Variants in RABGAP1 observed in about 807,000 individuals in gnomAD.
RABGAP1 encodes the protein RAB GTPase activating protein 1.
In RABGAP1, 23 loss-of-function variants were observed where a neutral mutation model predicts 137.6. The ratio of observed to expected loss-of-function variants is 0.17; its 90% CI spans 0.12 to 0.24. The LOEUF (loss-of-function observed/expected upper bound fraction) is 0.24. RABGAP1 is among the 10% of genes least tolerant of loss of function. The pLI is 1.00. For missense variants in RABGAP1, 906 were observed against 1,275.8 expected, an observed-to-expected ratio of 0.71 and a Z score of 4.42; for synonymous variants, 451 against 450.7, an observed-to-expected ratio of 1.00 and a Z score of -0.01.
rs993095223 is a variant in RABGAP1, at chr9:123,103,231, C to T, written c.*18C>T. On this transcript the variant is annotated 3_prime_UTR_variant, in exon 26 of 26. Transcript: ENST00000373647. ...CTTGCTGAGAGCAGCTGCCGCCTCC[C>T]GACACCTTCAGAAAACACGACACCT... The T allele has an allele frequency of 7.4e-6, 12 of 1,612,512 alleles. No homozygotes were observed. The highest frequency in any genetic ancestry group is 3.3e-5 in the Admixed American group (2 of 59,774).
At chr9:123,092,413 T>C (rs1034845266) in intron 21 of RABGAP1, among the ~76,000 whole-genome samples, 4 of 152,326 alleles carry the variant, frequency 2.6e-5, no homozygotes, top group African/African-American at 9.6e-5. Context: ...TGATCTCTCT[T>C]ACCCTTACCT....
At chr9:123,098,899 C>T (rs2035263200) in intron 23 of RABGAP1, 101 bp downstream of exon 23, 1 of 644,958 alleles carries the variant, frequency 1.6e-6, no homozygotes, top group African/African-American at 2.1e-5. Flanking sequence ...ATGCAAGCAC[C>T]CTGGTTTCAG....
chr9:122,998,884 G>T, intron 10 of RABGAP1, 118 bp downstream of exon 10: 4 of 568,064 alleles, frequency 7.0e-6, no homozygotes, highest in South Asian at 1.1e-4. Flanking sequence ...TATATTAAGA[G>T]GAAAAATTAT....
intron 10 of RABGAP1, among the ~76,000 whole-genome samples, chr9:123,002,369 T>TATATA (rs34043569): frequency 9.9e-6 from 1 of 100,828 alleles, no homozygotes; most frequent in South Asian, 2.8e-4. Context: ...TATATATATA[T>TATATA]TTTTTTTTTA....
chr9:123,020,264 T>C (rs923264090), intron 12 of RABGAP1, 45 bp from the exon 13 acceptor site: 22 of 1,385,332 alleles, frequency 1.6e-5, no homozygotes, highest in Non-Finnish European at 2.1e-5. Context: ...CTTTAGAGAA[T>C]CTTATCTTCC....
At chr9:123,029,545 T>G in intron 13 of RABGAP1, 1 of 774,818 alleles carries the variant, frequency 1.3e-6, no homozygotes, top group Non-Finnish European at 2.4e-6. Flanking sequence ...AGACCACAAC[T>G]GGAGTTATAA....
chr9:123,096,860 G>A (rs547670647), intron 21 of RABGAP1, among the ~76,000 whole-genome samples: 13 of 152,272 alleles, frequency 8.5e-5, no homozygotes, highest in East Asian at 3.9e-4. Flanking sequence ...GTGAGCCACC[G>A]CACCTGGCCC....
intron 13 of RABGAP1, among the ~76,000 whole-genome samples, chr9:123,053,952 T>C (rs1328608348): frequency 6.6e-6 from 1 of 152,196 alleles, no homozygotes; most frequent in African/African-American, 2.4e-5. Flanking sequence ...CCTGAGAAAT[T>C]ACCCAGTGAG....
chr9:123,073,742 G>GA, intron 16 of RABGAP1, 65 bp downstream of exon 16: 1 of 1,594,522 alleles, frequency 6.3e-7, no homozygotes, highest in African/African-American at 1.4e-5. Flanking sequence ...CCAAATTGAG[G>GA]AAATGGTGCC....
At chr9:122,953,098 G>A (rs551413066) in intron 1 of RABGAP1, among the ~76,000 whole-genome samples, 2 of 152,130 alleles carry the variant, frequency 1.3e-5, no homozygotes, top group South Asian at 2.1e-4. Context: ...TGTGTTTCCC[G>A]ACTAACAATC....
At chr9:122,962,017 A>G in intron 2 of RABGAP1, among the ~76,000 whole-genome samples, 1 of 152,210 alleles carries the variant, frequency 6.6e-6, no homozygotes, top group Non-Finnish European at 1.5e-5. Context: ...CTTTAAAGGT[A>G]TATATAAAAT....
At chr9:123,025,881 G>A (rs1044898200) in intron 13 of RABGAP1, among the ~76,000 whole-genome samples, 8 of 151,500 alleles carry the variant, frequency 5.3e-5, no homozygotes, top group African/African-American at 1.5e-4. Context: ...TCTTGGTTTC[G>A]TCTTTATATT....
intron 2 of RABGAP1, among the ~76,000 whole-genome samples, chr9:122,977,823 T>C (rs1835842363): frequency 6.6e-6 from 1 of 152,156 alleles, no homozygotes; most frequent in Non-Finnish European, 1.5e-5. Flanking sequence ...GGATTGTAGA[T>C]AGAGATTTGA....
At chr9:123,060,467 C>G (rs2033925260) in intron 13 of RABGAP1, among the ~76,000 whole-genome samples, 1 of 152,088 alleles carries the variant, frequency 6.6e-6, no homozygotes, top group African/African-American at 2.4e-5. Flanking sequence ...TGTAGATGGA[C>G]ATTTGAGGTT....
intron 1 of RABGAP1, among the ~76,000 whole-genome samples, chr9:122,942,696 A>C (rs1382896950): frequency 6.6e-6 from 1 of 150,626 alleles, no homozygotes; most frequent in Non-Finnish European, 1.5e-5. Flanking sequence ...AAACACAAAA[A>C]AACAAAATAG....
chr9:122,983,778 G>GT (rs1329399977), intron 2 of RABGAP1, among the ~76,000 whole-genome samples: 6 of 152,102 alleles, frequency 3.9e-5, no homozygotes, highest in Non-Finnish European at 8.8e-5. Context: ...GTCACTTGTG[G>GT]TTTTCCTTGG....
chr9:123,007,885 C>G (rs55664488), intron 10 of RABGAP1, among the ~76,000 whole-genome samples: 1 of 148,520 alleles, frequency 6.7e-6, no homozygotes, highest in African/African-American at 2.4e-5. Context: ...TATAATATAT[C>G]TAATTTAAAA....
intron 19 of RABGAP1, 176 bp from the exon 20 acceptor site, chr9:123,089,582 T>C (rs2034975939): frequency 1.8e-6 from 1 of 545,502 alleles, no homozygotes; most frequent in African/African-American, 1.9e-5. Flanking sequence ...CATTGAGAAT[T>C]TGGGGTCCTG....
chr9:122,967,746 ATT>A (rs944985963), intron 2 of RABGAP1, among the ~76,000 whole-genome samples: 1 of 146,896 alleles, frequency 6.8e-6, no homozygotes, highest in African/African-American at 2.5e-5. Flanking sequence ...CCTGAAAAAA[ATT>A]TTTTTTTTTT....
Sources: gnomAD v4.1 joint callset for allele counts (sites outside exome capture counted in the v4.1 genomes callset) on GRCh38, gnomAD v4.1.1 for gene constraint, MANE v1.5 for transcripts, NCBI Gene and HGNC (gene_info 2026-07-23, HGNC 2026-07-21) for gene names.